The following SASH1 variants were observed in gnomAD, a reference collection of about 807,000 sequenced individuals.
SASH1 encodes SAM and SH3 domain-containing protein 1.
A neutral mutation model predicts 125.2 loss-of-function variants in SASH1; 44 were observed. That is an observed-to-expected ratio of 0.35 (90% CI 0.28 to 0.45). The LOEUF is 0.45. SASH1 is among the 20% of genes least tolerant of loss of function. The pLI is 1.00. For missense variants in SASH1, 1,426 were observed against 1,614.5 expected (o/e 0.88, Z 2.00); for synonymous variants, 639 against 649.1 (o/e 0.98, Z 0.24).
intron 1 of SASH1, among the ~76,000 whole-genome samples, chr6:148,291,233 C>T (rs1779624097): frequency 6.6e-6 from 1 of 152,160 alleles, no homozygotes; most frequent in Non-Finnish European, 1.5e-5. Flanking sequence ...TCAAGAATAA[C>T]TTTGAAATGA....
At chr6:148,415,132 A>T (rs1026744792) in intron 2 of SASH1, among the ~76,000 whole-genome samples, 1 of 152,226 alleles carries the variant, frequency 6.6e-6, no homozygotes, top group African/African-American at 2.4e-5. Flanking sequence ...CCATTGACAA[A>T]TGAGTTTAGA....
At chr6:148,213,505 G>GGGGTGTGTGTGTGTGTGTGT in the SASH1 span, among the ~76,000 whole-genome samples, 1 of 148,352 alleles carries the variant, frequency 6.7e-6, no homozygotes, top group Non-Finnish European at 1.5e-5. Context: ...CTAGCCAAAG[G>GGGGTGTGTGTGTGTGTGTGT]GTGTGTGTGT....
At chr6:148,234,783 C>T in the SASH1 span, among the ~76,000 whole-genome samples, 167 of 151,054 alleles carry the variant, frequency 1.1e-3, 1 homozygote, top group African/African-American at 3.7e-3. Context: ...GCCGAGACTG[C>T]GCCATTGCAC....
the SASH1 span, among the ~76,000 whole-genome samples, chr6:148,247,318 G>C: frequency 6.4e-3 from 971 of 152,282 alleles, 36 homozygotes; most frequent in Admixed American, 0.056. Flanking sequence ...CAATAAGAAG[G>C]CTTCTTGGTA....
In SASH1 at chr6:148,547,482, A is replaced by AG. The variant is rs149186460; in HGVS notation, c.3481-807dup. On this transcript the variant is annotated intron_variant, in intron 19 of 19. Coordinates refer to ENST00000367467, the MANE Select transcript of SASH1 (RefSeq NM_015278.5). ...GTAGAAAGCAAAACCATGGATAAGC[A>AG]GGGGGGTGGCTATTGTATTTCAAAG... Among the ~76,000 whole-genome samples, 1,244 of 152,292 alleles carry AG rather than the reference A, an allele frequency of 8.2e-3. 21 individuals carry two copies. The highest frequency in any genetic ancestry group is 0.028 in the African/African-American group (1,180 of 41,562).
At chr6:148,538,847 C>T (rs1395489345) in intron 16 of SASH1, among the ~76,000 whole-genome samples, 2 of 152,212 alleles carry the variant, frequency 1.3e-5, no homozygotes, top group African/African-American at 4.8e-5. Flanking sequence ...TAAAGCCATT[C>T]ATCATTGCAA....
intron 17 of SASH1, among the ~76,000 whole-genome samples, chr6:148,542,372 A>T (rs1782269263): frequency 6.6e-6 from 1 of 151,940 alleles, no homozygotes; most frequent in African/African-American, 2.4e-5. Context: ...GTATTTCTTC[A>T]TTTATCTGTG....
intron 8 of SASH1, chr6:148,513,552 T>G (rs1217956208): frequency 2.0e-6 from 2 of 985,352 alleles, no homozygotes; most frequent in Non-Finnish European, 2.4e-6. Flanking sequence ...CAGAGAGAGA[T>G]ATTTTTCCCT....
chr6:148,388,929 A>T (rs1783588449), intron 1 of SASH1, among the ~76,000 whole-genome samples: 1 of 151,846 alleles, frequency 6.6e-6, no homozygotes, highest in Non-Finnish European at 1.5e-5. Flanking sequence ...TCATTTATTT[A>T]TACCAAAGAG....
Position 148,349,252 on chromosome 6 carries a change from C to CTTTTT in SASH1, c.156+6054_156+6058dup, listed in dbSNP as rs11317386. 8.3e-3 allele frequency among the ~76,000 whole-genome samples: 390 copies of CTTTTT among 46,918 alleles called. 7 individuals are homozygous for CTTTTT. The highest frequency in any genetic ancestry group is 0.02 in the African/African-American group (235 of 11,646). The allele number at this position is 46,918 out of a possible 152,430, so 30.8% of individuals were successfully genotyped here. A position where few individuals can be genotyped will look rare whatever the true frequency, so the allele number is the denominator to read the frequency against. On this transcript the variant is annotated intron_variant, in intron 1 of 19. Coordinates refer to ENST00000367467, the MANE Select transcript of SASH1 (RefSeq NM_015278.5). ...TTATTTCATTCTTTCTTCTTTCTTT[C>CTTTTT]TTTTTTTTTTTTTTTTTTTTTTTTT...
chr6:148,216,447 T>C, the SASH1 span, among the ~76,000 whole-genome samples: 1 of 152,206 alleles, frequency 6.6e-6, no homozygotes, highest in Non-Finnish European at 1.5e-5. Context: ...GGGAAAAACA[T>C]GAAGCATATT....
At chr6:148,498,099 G>T (rs900979824) in intron 8 of SASH1, among the ~76,000 whole-genome samples, 2 of 151,852 alleles carry the variant, frequency 1.3e-5, no homozygotes, top group African/African-American at 4.8e-5. Flanking sequence ...CATATCAAAG[G>T]CTGGCTGGGC....
At chr6:148,527,017 C>G (rs192594228) in intron 11 of SASH1, among the ~76,000 whole-genome samples, 159 of 152,206 alleles carry the variant, frequency 1.0e-3, no homozygotes, top group African/African-American at 3.7e-3. Context: ...GGACTACAGA[C>G]GCCCACCACC....
At chr6:148,271,740 T>C (rs374410306), upstream of SASH1, among the ~76,000 whole-genome samples, 17 of 152,192 alleles carry the variant, frequency 1.1e-4, no homozygotes, top group East Asian at 1.7e-3. Flanking sequence ...GTACAGTCCA[T>C]TGATGAACAC....
chr6:148,384,003 G>A (rs1362660683), intron 1 of SASH1, among the ~76,000 whole-genome samples: 1 of 152,162 alleles, frequency 6.6e-6, no homozygotes, highest in Non-Finnish European at 1.5e-5. Flanking sequence ...GTTGTCCGTT[G>A]AGCTGACACG....
At chr6:148,362,552 C>CT (rs201848415) in intron 1 of SASH1, among the ~76,000 whole-genome samples, 5,542 of 144,348 alleles carry the variant, frequency 0.038, 268 homozygotes, top group African/African-American at 0.12. Context: ...TATTATATGC[C>CT]TTTTTTTTTT....
At chr6:148,283,440 A>C (rs1426712416) in intron 1 of SASH1, 1 of 152,226 alleles carries the variant, frequency 6.6e-6, no homozygotes, top group Non-Finnish European at 1.5e-5. Flanking sequence ...TACGTGACAG[A>C]AACCACACAG....
intron 8 of SASH1, among the ~76,000 whole-genome samples, chr6:148,509,691 G>C (rs1279391923): frequency 6.6e-6 from 1 of 152,156 alleles, no homozygotes; most frequent in Non-Finnish European, 1.5e-5. Flanking sequence ...TTTGTTACAG[G>C]GTCCGGTGAA....
chr6:148,421,146 G>GAAGGAAGGAAGGAAGGAAGAA (rs1554254949), intron 2 of SASH1, among the ~76,000 whole-genome samples: 17 of 71,244 alleles, frequency 2.4e-4, no homozygotes, highest in South Asian at 1.7e-3. Flanking sequence ...AGGAAGGAAG[G>GAAGGAAGGAAGGAAGGAAGAA]AAGAAAGAAA....
Sources: gnomAD v4.1 joint callset for allele counts (sites outside exome capture counted in the v4.1 genomes callset) on GRCh38, gnomAD v4.1.1 for gene constraint, MANE v1.5 for transcripts, NCBI Gene and HGNC (gene_info 2026-07-23, HGNC 2026-07-21) for gene names.